DYSF: variants seen among roughly 807,000 people sequenced by gnomAD.
DYSF encodes dysferlin.
In DYSF, 212 loss-of-function variants were observed where a neutral mutation model predicts 274.9. That is an observed-to-expected ratio of 0.77 (90% CI 0.69 to 0.86). The LOEUF is 0.86. DYSF is among the 40% of genes least tolerant of loss of function. DYSF has a pLI of 0.00. For synonymous variants in DYSF, 1,091 were observed against 1,078.7 expected, an observed-to-expected ratio of 1.01 and a Z score of -0.22; for missense variants, 2,666 against 2,783.2, an observed-to-expected ratio of 0.96 and a Z score of 0.95.
intron 17 of DYSF, among the ~76,000 whole-genome samples, chr2:71,544,935 C>T (rs1311588835): frequency 6.6e-6 from 1 of 152,186 alleles, no homozygotes; most frequent in East Asian, 1.9e-4. Flanking sequence ...TGGTCTCACC[C>T]TCAGGGAACT....
In DYSF at chr2:71,615,985, C is replaced by T. The variant is rs534255220; in HGVS notation, c.4464+2575C>T. Among the ~76,000 whole-genome samples, 2 of 152,314 alleles carry T rather than the reference C, an allele frequency of 1.3e-5. No homozygotes were observed. The highest frequency in any genetic ancestry group is 4.1e-4 in the South Asian group (2 of 4,828). On this transcript the variant is annotated intron_variant, in intron 40 of 55. Transcript: ENST00000410020. The surrounding 1 kb of genome is among the most constrained non-coding windows in gnomAD (Gnocchi z 4.9). ...CAAACCTGCTCTTGCCAGAGTTACC[C>T]TTCCATCTTGGTCCCTTCCTGTCAC...
intron 4 of DYSF, among the ~76,000 whole-genome samples, chr2:71,504,270 G>A (rs2085269250): frequency 1.3e-5 from 2 of 152,098 alleles, no homozygotes; most frequent in Non-Finnish European, 1.5e-5. Flanking sequence ...ATGGACTCCT[G>A]GTTCACTGAA....
intron 3 of DYSF, among the ~76,000 whole-genome samples, chr2:71,498,502 C>G (rs62143772): frequency 1.3e-5 from 2 of 152,226 alleles, no homozygotes; most frequent in African/African-American, 4.8e-5. Context: ...AAAAATACCT[C>G]AAACACCAAT....
At chr2:71,617,601 GGTGT>G (rs754897169) in intron 40 of DYSF, among the ~76,000 whole-genome samples, 2 of 149,984 alleles carry the variant, frequency 1.3e-5, no homozygotes, top group African/African-American at 2.4e-5. Flanking sequence ...TGGTAGAGGT[GGTGT>G]GTGTGTATGT....
intron 32 of DYSF, among the ~76,000 whole-genome samples, chr2:71,590,551 A>G (rs1327871548): frequency 2.0e-5 from 3 of 151,984 alleles, no homozygotes; most frequent in Admixed American, 6.6e-5. Flanking sequence ...CAGTCTCTGG[A>G]GGGTCCCTGC....
At chr2:71,577,371 A>G (rs1483732938) in intron 30 of DYSF, among the ~76,000 whole-genome samples, 1 of 151,564 alleles carries the variant, frequency 6.6e-6, no homozygotes, top group East Asian at 1.9e-4. Flanking sequence ...TAACGCACAC[A>G]TACACACTCA....
chr2:71,543,040 C>T (rs928211179), intron 17 of DYSF, among the ~76,000 whole-genome samples: 44 of 151,446 alleles, frequency 2.9e-4, no homozygotes, highest in African/African-American at 9.7e-5. Flanking sequence ...GCTGGCCGGG[C>T]GGGGGCTGCC....
At chr2:71,528,006 G>A (rs2088163770) in intron 13 of DYSF, among the ~76,000 whole-genome samples, 1 of 152,222 alleles carries the variant, frequency 6.6e-6, no homozygotes, top group Non-Finnish European at 1.5e-5. Flanking sequence ...CCTTAGTGAT[G>A]TAGATTTCTA....
intron 1 of DYSF, among the ~76,000 whole-genome samples, chr2:71,479,938 T>G (rs1408103926): frequency 1.3e-5 from 2 of 152,230 alleles, no homozygotes; most frequent in Non-Finnish European, 2.9e-5. Flanking sequence ...ATTCACCATT[T>G]GAACAATTTC....
intron 41 of DYSF, among the ~76,000 whole-genome samples, chr2:71,622,130 GTT>G (rs74263952): frequency 3.1e-5 from 3 of 97,028 alleles, no homozygotes; most frequent in African/African-American, 1.2e-4. Context: ...TGATTTCTTT[GTT>G]TTTTTTTTTT....
rs115396677 is a variant in DYSF, at chr2:71,545,462, C to T, written c.1577-5579C>T. Among the ~76,000 whole-genome samples, 1,446 of 152,272 alleles carry T rather than the reference C, an allele frequency of 9.5e-3. 26 individuals are homozygous for T. The highest frequency in any genetic ancestry group is 0.033 in the African/African-American group (1,375 of 41,552). ...GCCCCTCCCTTCCTCGCTGGGGGAA[C>T]AATCTGTTCCGGGATGTGGCCCCTT... On this transcript the variant is annotated intron_variant, in intron 17 of 55. Transcript: ENST00000410020.
At chr2:71,652,051 G>T (rs1450158840) in intron 42 of DYSF, among the ~76,000 whole-genome samples, 1 of 152,148 alleles carries the variant, frequency 6.6e-6, no homozygotes, top group Non-Finnish European at 1.5e-5. Context: ...GACTTCAGAA[G>T]GTTTCTTTAC....
At chr2:71,618,981 C>T (rs1272981682) in intron 40 of DYSF, among the ~76,000 whole-genome samples, 1 of 151,870 alleles carries the variant, frequency 6.6e-6, no homozygotes, top group Admixed American at 6.6e-5. Context: ...CTCTGGGATG[C>T]CGTGAAGGTG....
rs73942366 is a variant in DYSF at position 71,637,951 on chromosome 2, A to T, written c.4528-6014A>T. 8.4e-3 allele frequency among the ~76,000 whole-genome samples: 1,280 copies of T among 152,246 alleles called. 11 individuals are homozygous for T. Among genetic ancestry groups the T allele is most frequent in the African/African-American group, 0.029 (1,205 of 41,538 alleles). On this transcript the variant is annotated intron_variant, in intron 41 of 55. Transcript: ENST00000410020. ...CGGCCAGCTGGTGTGGCCGGGAGGAAGGTCATAGGCCATTCGTCTCAGCAG... is the reference window on the plus strand; with the variant it reads ...CGGCCAGCTGGTGTGGCCGGGAGGATGGTCATAGGCCATTCGTCTCAGCAG...
At chr2:71,504,611 G>C (rs898165133) in intron 4 of DYSF, among the ~76,000 whole-genome samples, 4 of 152,208 alleles carry the variant, frequency 2.6e-5, no homozygotes, top group African/African-American at 9.6e-5. Context: ...CACAGATGGA[G>C]GGATGATAGG....
intron 44 of DYSF, 66 bp downstream of exon 44, chr2:71,659,099 C>T: frequency 6.2e-7 from 1 of 1,604,580 alleles, no homozygotes; most frequent in Non-Finnish European, 8.5e-7. Context: ...CCTATAGAAC[C>T]TGGACACAAA....
At chr2:71,526,864 T>C (rs930703771) in intron 13 of DYSF, among the ~76,000 whole-genome samples, 1 of 152,244 alleles carries the variant, frequency 6.6e-6, no homozygotes, top group Non-Finnish European at 1.5e-5. Context: ...GTTTTAGCAC[T>C]GAAAGTGCCT....
chr2:71,595,022 C>A (rs1437428386), intron 32 of DYSF, among the ~76,000 whole-genome samples: 1 of 152,184 alleles, frequency 6.6e-6, no homozygotes, highest in Non-Finnish European at 1.5e-5. Context: ...ATGATGCATA[C>A]AAATAACGCA....
At chr2:71,632,239 T>A (rs2094327149) in intron 41 of DYSF, among the ~76,000 whole-genome samples, 1 of 152,228 alleles carries the variant, frequency 6.6e-6, no homozygotes, top group South Asian at 2.1e-4. Flanking sequence ...CTCCCCTGAG[T>A]GTGCTTGGTG....
Sources: allele counts gnomAD v4.1 joint callset (sites outside exome capture counted in the v4.1 genomes callset), GRCh38; gene constraint gnomAD v4.1.1; non-coding constraint Gnocchi (gnomAD v3.1); transcripts MANE v1.5; gene names NCBI Gene and HGNC (gene_info 2026-07-23, HGNC 2026-07-21).